Variants in UNK observed in about 807,000 individuals in gnomAD.
UNK encodes unk zinc finger.
In UNK, 32 loss-of-function variants were observed where a neutral mutation model predicts 97.6. That is an observed-to-expected ratio of 0.33 (90% confidence interval 0.25 to 0.44). The LOEUF is 0.44. Among genes scored for constraint, UNK ranks in the 20% least tolerant of loss-of-function variants. UNK has a pLI of 1.00. For missense variants in UNK, 771 were observed against 1,098.4 expected, an observed-to-expected ratio of 0.70 and a Z score of 4.21; for synonymous variants, 441 against 461.2, an observed-to-expected ratio of 0.96 and a Z score of 0.56.
chr17:75,784,918 C>T lies in UNK; in HGVS notation c.38C>T (p.Ser13Phe). ...CCCGGGCCCGGCGGCTCCGCAGCTTCCTCGGCGCCCCCGGCCGCTACCGCT... is the reference window on the plus strand; with the variant it reads ...CCCGGGCCCGGCGGCTCCGCAGCTTTCTCGGCGCCCCCGGCCGCTACCGCT... ...KGPGPGGSAA[S>F]SAPPAATAQV... The change falls in exon 1 of 16, where the codon TCC becomes TTC. Residue 13 changes from serine (S) to phenylalanine (F), a missense_variant. This residue lies in a region of UNK where 34 missense variants were observed against 24.7 expected (regional missense o/e 1.37). Transcript: ENST00000589666. 6 of 1,564,406 alleles carry T rather than the reference C, an allele frequency of 3.8e-6. No homozygotes were observed. Among genetic ancestry groups the T allele is most frequent in the Non-Finnish European group, 5.2e-6 (6 of 1,158,466 alleles).
At chr17:75,821,831 TGG>T (rs1311671422) in intron 13 of UNK, 2 of 423,018 alleles carry the variant, frequency 4.7e-6, no homozygotes, top group African/African-American at 2.0e-5. Context: ...GGGTTGGCGG[TGG>T]GTGGGAGGCT....
chr17:75,806,346 C>T (rs1204933435), intron 1 of UNK, among the ~76,000 whole-genome samples: 1 of 151,792 alleles, frequency 6.6e-6, no homozygotes, highest in Non-Finnish European at 1.5e-5. Flanking sequence ...GTAGTCTCAG[C>T]TACTTGGGAG....
intron 4 of UNK, among the ~76,000 whole-genome samples, chr17:75,812,832 C>T (rs1034197518): frequency 4.6e-5 from 7 of 152,262 alleles, no homozygotes; most frequent in Non-Finnish European, 7.3e-5. Flanking sequence ...AAATGTTTTC[C>T]GCCCTGCAAG....
At position 75,817,079 on chromosome 17, in the gene UNK, G is replaced by A. The variant is rs994368781; in HGVS notation, c.1104+167G>A. On this transcript the variant is annotated intron_variant, in intron 8 of 15. Transcript: ENST00000589666. The surrounding 1 kb of genome is among the most constrained non-coding windows in gnomAD (Gnocchi z 5.8). ...ATTCTTCGTCAAAAGTCCAGGCCCGGGGGTGGGGTAGGGCAGTCCCCAGAG... is the reference window on the plus strand; with the variant it reads ...ATTCTTCGTCAAAAGTCCAGGCCCGAGGGTGGGGTAGGGCAGTCCCCAGAG... Among the ~76,000 whole-genome samples, 4 of 143,734 alleles carry A rather than the reference G, an allele frequency of 2.8e-5. No homozygotes were observed. In the Admixed American group the frequency reaches 3.0e-4, roughly 11 times the overall value. The allele number at this position is 143,734 out of a possible 152,430, so 94.3% of individuals were successfully genotyped here. A position where few individuals can be genotyped will look rare whatever the true frequency, so the allele number is the denominator to read the frequency against.
chr17:75,822,474 C>T lies in UNK; in HGVS notation c.1838-3C>T. ...GCTGATGTTCTTCCCCTCCTTGGGG[C>T]AGGTCTGAACGGGATGAACAGCAGC... On this transcript the variant is annotated splice_polypyrimidine_tract_variant and splice_region_variant and intron_variant, in intron 13 of 15. Coordinates refer to ENST00000589666, the MANE Select transcript of UNK (RefSeq NM_001080419.3). 2.5e-6 allele frequency: 4 copies of T among 1,607,682 alleles called. No homozygotes were observed. The highest frequency in any genetic ancestry group is 3.4e-6 in the Non-Finnish European group (4 of 1,176,746).
At chr17:75,794,164 T>G (rs1165601899) in intron 1 of UNK, 3 of 970,722 alleles carry the variant, frequency 3.1e-6, no homozygotes, top group Non-Finnish European at 3.7e-6. Flanking sequence ...TACAAAAATG[T>G]ATATTAAATA....
chr17:75,810,029 CAGGGT>C (rs2061954240), intron 2 of UNK, 60 bp downstream of exon 2: 1 of 1,589,926 alleles, frequency 6.3e-7, no homozygotes, highest in South Asian at 1.1e-5. Flanking sequence ...CAGATGCCCT[CAGGGT>C]AGGCTGGGCA....
chr17:75,801,027 C>T (rs1239476908), intron 1 of UNK, among the ~76,000 whole-genome samples: 1 of 151,808 alleles, frequency 6.6e-6, no homozygotes, highest in Admixed American at 6.6e-5. Context: ...CCTCAGCCTC[C>T]TGAGTAGCTG....
At position 75,813,141 on chromosome 17, in the gene UNK, G is replaced by A. The variant is rs1350207405; in HGVS notation, c.686G>A (p.Arg229His). The A allele has an allele frequency of 1.3e-6, 2 of 1,589,528 alleles. No homozygotes were observed. Among genetic ancestry groups the A allele is most frequent in the Non-Finnish European group, 1.7e-6 (2 of 1,168,368 alleles). The change falls in exon 5 of 16, where the codon CGC (arginine) becomes CAC (histidine). Residue 229 changes from arginine to histidine, a missense_variant. Around this residue, in one of 5 missense-constraint regions of UNK, gnomAD observed 246 missense variants for 440.7 expected, o/e 0.56. Coordinates refer to ENST00000589666, the MANE Select transcript of UNK (RefSeq NM_001080419.3). The part of the protein sequence containing the change: ...EPCKKPPRLC[R>H]QGYACPYYHN... ...TGCAAGAAGCCCCCGCGGCTGTGCC[G>A]CCAAGGCTATGCCTGTCCCTACTAC...
At position 75,818,006 on chromosome 17, in the gene UNK, C is replaced by A; in HGVS notation, c.1306-97C>A. On this transcript the variant is annotated intron_variant, in intron 9 of 15. Transcript: ENST00000589666. The surrounding 1 kb of genome is among the most constrained non-coding windows in gnomAD (Gnocchi z 5.1). ...CATGTGAAGAGGGGTTGCATGTCTG[C>A]CACCACCTGCCCCCTGGTACCTGCA... is the stretch of plus-strand genomic sequence containing the variant. 8.1e-7 allele frequency: 1 copy of A among 1,231,096 alleles called. No individual in the cohort carries two copies. The allele number at this position is 1,231,096 out of a possible 1,614,324, so 76.3% of individuals were successfully genotyped here. A position where few individuals can be genotyped will look rare whatever the true frequency, so the allele number is the denominator to read the frequency against.
chr17:75,801,894 G>T (rs562890681), intron 1 of UNK, among the ~76,000 whole-genome samples: 2 of 150,242 alleles, frequency 1.3e-5, no homozygotes, highest in Non-Finnish European at 3.0e-5. Context: ...CTGATGCCCA[G>T]GCTGGAGTAC....
chr17:75,796,012 G>C (rs2061802475), intron 1 of UNK, among the ~76,000 whole-genome samples: 1 of 152,154 alleles, frequency 6.6e-6, no homozygotes, highest in African/African-American at 2.4e-5. Context: ...GTGGGTTGCT[G>C]TGTGTGTGTG....
chr17:75,785,082 T>TC (rs201240385), intron 1 of UNK, 98 bp downstream of exon 1: 45 of 657,014 alleles, frequency 6.8e-5, no homozygotes, highest in Middle Eastern at 4.5e-4. Flanking sequence ...GGCCTCTTCC[T>TC]CCCCCCCTTC....
intron 1 of UNK, among the ~76,000 whole-genome samples, chr17:75,802,427 A>T (rs910308823): frequency 1.3e-5 from 2 of 151,576 alleles, no homozygotes; most frequent in African/African-American, 4.9e-5. Context: ...GTTTTTTAAA[A>T]AAATGTTTTA....
chr17:75,805,137 C>T (rs113164295), intron 1 of UNK, among the ~76,000 whole-genome samples: 2,949 of 150,322 alleles, frequency 0.02, 50 homozygotes, highest in Non-Finnish European at 0.032. Context: ...GCTGAGATTG[C>T]GCCACTGCAC....
chr17:75,811,773 G>A (rs1033592449), intron 2 of UNK, among the ~76,000 whole-genome samples: 1 of 152,158 alleles, frequency 6.6e-6, no homozygotes, highest in African/African-American at 2.4e-5. Flanking sequence ...CAGATCATGA[G>A]GTCAGGAGAT....
chr17:75,793,704 C>T, intron 1 of UNK: 2 of 985,382 alleles, frequency 2.0e-6, no homozygotes, highest in South Asian at 4.7e-5. Flanking sequence ...CATAAGTTGA[C>T]TCATTTGTTT....
At chr17:75,798,080 T>A (rs1475021695) in intron 1 of UNK, among the ~76,000 whole-genome samples, 16 of 151,414 alleles carry the variant, frequency 1.1e-4, no homozygotes, top group African/African-American at 3.9e-4. Context: ...TTTTTTTTTT[T>A]TTTTTTTAAG....
Position 75,816,295 on chromosome 17 carries a change from C to T in UNK, c.962-475C>T, listed in dbSNP as rs373403312. ...ACCTCTTTCCAGGCTCAGGCCCTAT[C>T]TCTGAGATGAGAATGGAAAATAAAT... On this transcript the variant is annotated intron_variant, in intron 7 of 15. Coordinates refer to ENST00000589666, the MANE Select transcript of UNK (RefSeq NM_001080419.3). The surrounding 1 kb of genome is among the most constrained non-coding windows in gnomAD (Gnocchi z 4.0). 2.0e-5 allele frequency among the ~76,000 whole-genome samples: 3 copies of T among 152,348 alleles called. No individual in the cohort carries two copies. Among genetic ancestry groups the T allele is most frequent in the African/African-American group, 7.2e-5 (3 of 41,584 alleles).
Sources: gnomAD v4.1 joint callset for allele counts (sites outside exome capture counted in the v4.1 genomes callset) on GRCh38, gnomAD v4.1.1 for gene constraint, gnomAD v4.1.1 regional missense constraint, Gnocchi (gnomAD v3.1) non-coding constraint, MANE v1.5 for transcripts, NCBI Gene and HGNC (gene_info 2026-07-23, HGNC 2026-07-21) for gene names.